The following GNS variants were observed in gnomAD, a reference collection of about 807,000 sequenced individuals.
GNS encodes N-acetylglucosamine-6-sulfatase.
GNS carries 40 observed loss-of-function variants against 69.7 expected under a neutral mutation model. The observed-to-expected ratio is 0.57, with a 90% CI of 0.45 to 0.75. The LOEUF (loss-of-function observed/expected upper bound fraction) is 0.75, where lower values mean the gene tolerates loss of function less well. GNS is among the 30% of genes least tolerant of loss of function. GNS has a pLI of 0.00. For missense variants in GNS, 565 were observed against 685.5 expected (o/e 0.82, Z 1.96); for synonymous variants, 243 against 251.6 (o/e 0.97, Z 0.32).
chr12:64,740,483 C>T (rs1016300697), intron 7 of GNS, 123 bp downstream of exon 7: 1 of 733,234 alleles, frequency 1.4e-6, no homozygotes, highest in Non-Finnish European at 2.5e-6. Context: ...AAGCCTCTCT[C>T]CCACTGACTT....
intron 1 of GNS, among the ~76,000 whole-genome samples, chr12:64,758,401 C>T (rs1870341752): frequency 7.1e-6 from 1 of 141,352 alleles, no homozygotes; most frequent in African/African-American, 2.6e-5. Flanking sequence ...CGGCTCACTG[C>T]AACTGCTGCC....
intron 12 of GNS, among the ~76,000 whole-genome samples, 186 bp downstream of exon 12, chr12:64,721,409 A>G (rs1372383278): frequency 6.6e-6 from 1 of 152,216 alleles, no homozygotes; most frequent in African/African-American, 2.4e-5. Context: ...CTCAATTCAG[A>G]AAGATTACAA....
In GNS at chr12:64,728,973, A is replaced by G. The variant is rs1869298361; in HGVS notation, c.1183T>C (p.Ser395Pro). 4 of 1,559,244 alleles carry G rather than the reference A, an allele frequency of 2.6e-6. No homozygotes were observed. Among genetic ancestry groups the G allele is most frequent in the Non-Finnish European group, 3.5e-6 (4 of 1,129,860 alleles). Residue 395 changes from serine (S) to proline (P), a missense_variant, in exon 10 of 14, where the codon TCC becomes CCC. Physicochemically the swap from Ser to Pro is moderately conservative, Grantham distance 74 (BLOSUM62 -1). Around this residue, in one of 2 missense-constraint regions of GNS, gnomAD observed 384 missense variants for 511.0 expected, o/e 0.75. Coordinates refer to ENST00000258145, the MANE Select transcript of GNS (RefSeq NM_002076.4). ...ATACTTACCAAAATGGGCAATAAGG[A>G]CATCCCATCCATCTGTGTCTTATTT... ...DLNKTQMDGM[S>P]LLPILRGASN... is the part of the protein sequence containing the mutation.
intron 1 of GNS, among the ~76,000 whole-genome samples, chr12:64,754,725 C>T (rs1870193643): frequency 6.6e-6 from 1 of 151,834 alleles, no homozygotes; most frequent in Non-Finnish European, 1.5e-5. Flanking sequence ...CCTGGCTCTA[C>T]AAAAAATATA....
chr12:64,755,459 A>T (rs1364288412), intron 1 of GNS, among the ~76,000 whole-genome samples: 1 of 150,694 alleles, frequency 6.6e-6, no homozygotes, highest in Non-Finnish European at 1.5e-5. Context: ...GTGCCTGTAA[A>T]CCCAGCTACT....
intron 9 of GNS, among the ~76,000 whole-genome samples, chr12:64,732,049 C>T (rs916613780): frequency 9.3e-5 from 14 of 150,878 alleles, no homozygotes; most frequent in African/African-American, 2.7e-4. Flanking sequence ...TGCAATGGTG[C>T]GATCTCGGCT....
At chr12:64,747,654 G>T in intron 3 of GNS, 58 bp downstream of exon 3, 1 of 952,610 alleles carries the variant, frequency 1.0e-6, no homozygotes, top group Non-Finnish European at 1.7e-6. Context: ...AAATTAACAT[G>T]AATTATATTC....
intron 3 of GNS, chr12:64,745,964 C>A: frequency 1.3e-5 from 7 of 531,438 alleles, no homozygotes; most frequent in Non-Finnish European, 2.3e-5. Context: ...GAACAGCAAG[C>A]TAAGAATTTA....
intron 1 of GNS, among the ~76,000 whole-genome samples, chr12:64,753,414 T>C (rs1870143655): frequency 6.6e-6 from 1 of 152,212 alleles, no homozygotes; most frequent in African/African-American, 2.4e-5. Flanking sequence ...AGAGAACAAT[T>C]AACTTCCTTC....
chr12:64,729,814 C>T (rs1869325200), intron 9 of GNS, among the ~76,000 whole-genome samples: 1 of 152,068 alleles, frequency 6.6e-6, no homozygotes, highest in South Asian at 2.1e-4. Context: ...GTCCAATAAC[C>T]ACATTAATAA....
At chr12:64,753,707 C>G (rs1870152688) in intron 1 of GNS, among the ~76,000 whole-genome samples, 1 of 152,112 alleles carries the variant, frequency 6.6e-6, no homozygotes, top group Non-Finnish European at 1.5e-5. Context: ...TGACTTTTCC[C>G]CATTGTTTTA....
intron 7 of GNS, 96 bp downstream of exon 7, chr12:64,740,510 G>A: frequency 2.6e-6 from 2 of 782,622 alleles, no homozygotes; most frequent in Non-Finnish European, 2.3e-6. Flanking sequence ...CTCTGTTTTT[G>A]TTTCAGAGAC....
chr12:64,722,949 C>A, intron 11 of GNS, 57 bp downstream of exon 11: 1 of 1,009,208 alleles, frequency 9.9e-7, no homozygotes, highest in Non-Finnish European at 1.6e-6. Context: ...TGGCAACCAG[C>A]ACCTTGCCAT....
intron 3 of GNS, chr12:64,746,078 A>G: frequency 2.8e-6 from 1 of 352,564 alleles, no homozygotes; most frequent in Non-Finnish European, 5.4e-6. Flanking sequence ...TTATTGGAAC[A>G]CAGCCACATT....
At chr12:64,721,485 A>G (rs1481738230) in intron 12 of GNS, 110 bp downstream of exon 12, 1 of 747,146 alleles carries the variant, frequency 1.3e-6, no homozygotes, top group Non-Finnish European at 2.5e-6. Context: ...TAAGAAACAC[A>G]ACCTCTTCCC....
chr12:64,733,125 CAAACAAA>C (rs1218026829), intron 9 of GNS, among the ~76,000 whole-genome samples: 3 of 151,002 alleles, frequency 2.0e-5, no homozygotes, highest in Non-Finnish European at 3.0e-5. Flanking sequence ...AACAAACAAA[CAAACAAA>C]AAACAAAAAA....
chr12:64,726,017 A>G (rs1246593059), intron 10 of GNS, among the ~76,000 whole-genome samples: 3 of 150,918 alleles, frequency 2.0e-5, no homozygotes, highest in African/African-American at 4.8e-5. Context: ...AAAAAAAAAA[A>G]AAAAGAAATA....
At chr12:64,751,343 C>A (rs7960560) in intron 2 of GNS, among the ~76,000 whole-genome samples, 4,878 of 152,100 alleles carry the variant, frequency 0.032, 256 homozygotes, top group African/African-American at 0.11. Flanking sequence ...TTCAATAATT[C>A]TCCTGTGTTT....
At chr12:64,740,737 A>G (rs1385490904) in intron 6 of GNS, 49 bp from the exon 7 acceptor site, 2 of 862,374 alleles carry the variant, frequency 2.3e-6, no homozygotes, top group Non-Finnish European at 4.0e-6. Context: ...CCACAGTCAA[A>G]CAAACTACTG....
Sources: allele counts gnomAD v4.1 joint callset (sites outside exome capture counted in the v4.1 genomes callset), GRCh38; gene constraint gnomAD v4.1.1; regional missense constraint gnomAD v4.1.1; transcripts MANE v1.5; gene names NCBI Gene and HGNC (gene_info 2026-07-23, HGNC 2026-07-21).